Variants in MAST4 observed in about 807,000 individuals in gnomAD.
The protein encoded by MAST4 is microtubule associated serine/threonine kinase family member 4.
In MAST4, 89 loss-of-function variants were observed where a neutral mutation model predicts 162.7. The observed-to-expected ratio is 0.55, with a 90% CI of 0.46 to 0.65. The LOEUF (loss-of-function observed/expected upper bound fraction) is 0.65, where lower values mean the gene tolerates loss of function less well. Among genes scored for constraint, MAST4 ranks in the 30% least tolerant of loss-of-function variants. MAST4 has a pLI of 0.00. For missense variants in MAST4, 3,153 were observed against 3,374.0 expected (o/e 0.93, Z 1.62); for synonymous variants, 1,479 against 1,361.1 (o/e 1.09, Z -1.91).
chr5:66,644,970 A>T (rs1745730918), intron 1 of MAST4, among the ~76,000 whole-genome samples: 1 of 149,662 alleles, frequency 6.7e-6, no homozygotes, highest in South Asian at 2.2e-4. Context: ...CACTAGAAGG[A>T]TTAGAGGTGG....
intron 24 of MAST4, among the ~76,000 whole-genome samples, chr5:67,150,643 T>C (rs1771683569): frequency 6.6e-6 from 1 of 152,102 alleles, no homozygotes; most frequent in Admixed American, 6.5e-5. Flanking sequence ...CGTACTTTGG[T>C]AGAACAAGGA....
At chr5:66,864,916 C>T (rs1325157258) in intron 3 of MAST4, among the ~76,000 whole-genome samples, 1 of 152,128 alleles carries the variant, frequency 6.6e-6, no homozygotes, top group Non-Finnish European at 1.5e-5. Context: ...AGGTTGAGGA[C>T]ACTGGAAGTA....
chr5:67,100,458 G>A lies in MAST4; in HGVS notation c.936G>A (p.Lys312=), dbSNP rs1764908850. The part of the protein sequence containing the change: ...TVSSSCSSQE[K]LHQLPYQPTP... The stretch of plus-strand genomic sequence containing the variant: ...AGTCATCCTGTTCCTCCCAGGAGAA[G>A]TTGCATCAGTTACCATACCAACCAA... The change falls in exon 8 of 29, where the codon AAG becomes AAA. Residue 312 remains lysine, a synonymous_variant. Coordinates refer to ENST00000403625, the MANE Select transcript of MAST4 (RefSeq NM_001164664.2). 6.2e-7 allele frequency: 1 copy of A among 1,613,812 alleles called. No homozygotes were observed. The highest frequency in any genetic ancestry group is 8.5e-7 in the Non-Finnish European group (1 of 1,179,820).
chr5:66,661,999 A>T (rs1746941923), intron 1 of MAST4, among the ~76,000 whole-genome samples: 1 of 152,072 alleles, frequency 6.6e-6, no homozygotes, highest in African/African-American at 2.4e-5. Context: ...TATAGGTGAT[A>T]CTTCTTTAGT....
In MAST4 at chr5:66,972,542, G is replaced by A. The variant is rs149670005; in HGVS notation, c.674+72560G>A. Among the ~76,000 whole-genome samples, 51 of 152,282 alleles carry A rather than the reference G, an allele frequency of 3.3e-4. No homozygotes were observed. In the East Asian group the frequency reaches 7.1e-3, roughly 21 times the overall value. ...AAAAATCTTTGCAGTGTGCACATGT[G>A]TAGATTTGGGGGCATGTGCCATCAT... On this transcript the variant is annotated intron_variant, in intron 4 of 28. Coordinates refer to ENST00000403625, the MANE Select transcript of MAST4 (RefSeq NM_001164664.2).
intron 4 of MAST4, among the ~76,000 whole-genome samples, chr5:67,027,949 A>G (rs1754859933): frequency 6.6e-6 from 1 of 152,154 alleles, no homozygotes; most frequent in Non-Finnish European, 1.5e-5. Context: ...TCCATGTGTT[A>G]GGGATTGTGC....
At chr5:66,821,614 T>A (rs1757000371) in intron 3 of MAST4, among the ~76,000 whole-genome samples, 1 of 152,218 alleles carries the variant, frequency 6.6e-6, no homozygotes, top group African/African-American at 2.4e-5. Flanking sequence ...ATTAATTTTA[T>A]ATGGTAATAA....
intron 4 of MAST4, among the ~76,000 whole-genome samples, chr5:66,965,784 A>T (rs1273058216): frequency 2.6e-5 from 4 of 152,220 alleles, no homozygotes; most frequent in African/African-American, 4.8e-5. Flanking sequence ...TAAGGCCTTG[A>T]ATACTAAAGC....
At chr5:66,905,031 C>T (rs367814247) in intron 4 of MAST4, among the ~76,000 whole-genome samples, 10 of 152,048 alleles carry the variant, frequency 6.6e-5, no homozygotes, top group South Asian at 2.1e-4. Flanking sequence ...CAAGGCCGGG[C>T]GCAGTGGCTC....
rs145523450 is a variant in MAST4, at chr5:66,835,681, G to A, written c.642+46887G>A. On this transcript the variant is annotated intron_variant, in intron 3 of 28. Transcript: ENST00000403625. ...ATCATTTTGTTGTTAGCACTAGAGC[G>A]TAACTAAATAAGATGTTTGAATTTA... is the stretch of plus-strand genomic sequence containing the variant. Among the ~76,000 whole-genome samples, 51 of 152,246 alleles carry A rather than the reference G, an allele frequency of 3.3e-4. No individual in the cohort carries two copies. The East Asian group carries it at 6.9e-3, about 21-fold the overall frequency.
intron 1 of MAST4, among the ~76,000 whole-genome samples, chr5:66,743,581 A>G (rs1410107584): frequency 6.6e-6 from 1 of 152,182 alleles, no homozygotes; most frequent in African/African-American, 2.4e-5. Context: ...TTTCAGTGGC[A>G]GGAGTTATCA....
chr5:66,632,405 T>C (rs1474863884), intron 1 of MAST4, among the ~76,000 whole-genome samples: 2 of 152,150 alleles, frequency 1.3e-5, no homozygotes, highest in Non-Finnish European at 1.5e-5. Flanking sequence ...AAGTTATTAA[T>C]AGAAATTGAG....
At chr5:66,946,370 T>C (rs1448751722) in intron 4 of MAST4, among the ~76,000 whole-genome samples, 2 of 152,188 alleles carry the variant, frequency 1.3e-5, no homozygotes, top group East Asian at 1.9e-4. Context: ...GAACAAGATA[T>C]TGATGTTTGC....
intron 3 of MAST4, among the ~76,000 whole-genome samples, chr5:66,842,772 G>GCAAATACA (rs1302581614): frequency 6.6e-6 from 1 of 152,106 alleles, no homozygotes; most frequent in Non-Finnish European, 1.5e-5. Flanking sequence ...CTATTGAAAT[G>GCAAATACA]CAAATACAGA....
chr5:66,808,135 G>A lies in MAST4; in HGVS notation c.642+19341G>A, dbSNP rs142400183. 2.0e-4 allele frequency among the ~76,000 whole-genome samples: 31 copies of A among 152,352 alleles called. 1 individual carries two copies. The East Asian group carries it at 4.6e-3, about 23-fold the overall frequency. ...TCACAGTCTTCAGCTCGCCAAGTGG[G>A]AGACATGAATCTAATCATTCTGTCG... On this transcript the variant is annotated intron_variant, in intron 3 of 28. Coordinates refer to ENST00000403625, the MANE Select transcript of MAST4 (RefSeq NM_001164664.2).
chr5:66,980,864 G>C (rs1415016358), intron 4 of MAST4, among the ~76,000 whole-genome samples: 1 of 152,194 alleles, frequency 6.6e-6, no homozygotes, highest in Non-Finnish European at 1.5e-5. Flanking sequence ...TTCTGGGGCA[G>C]TCAAGAAGAG....
At chr5:67,012,158 AG>A (rs1752763506) in intron 4 of MAST4, among the ~76,000 whole-genome samples, 1 of 152,220 alleles carries the variant, frequency 6.6e-6, no homozygotes, top group Non-Finnish European at 1.5e-5. Flanking sequence ...CAGAAGCTCA[AG>A]TAATACCTTT....
rs116787805 is a variant in MAST4 at position 66,656,616 on chromosome 5, T to C, written c.363+59598T>C. Among the ~76,000 whole-genome samples the C allele has an allele frequency of 1.0e-3, 156 of 152,238 alleles. 1 individual carries two copies. Among genetic ancestry groups the C allele is most frequent in the African/African-American group, 3.7e-3 (153 of 41,524 alleles). ...AGATTCGATTAAAAAAACTCTGATA[T>C]CCTCTCTTGATTAGGTTCACTGGTT... On this transcript the variant is annotated intron_variant, in intron 1 of 28. Coordinates refer to ENST00000403625, the MANE Select transcript of MAST4 (RefSeq NM_001164664.2).
chr5:66,872,966 A>G (rs1327240628), intron 3 of MAST4, among the ~76,000 whole-genome samples: 2 of 152,222 alleles, frequency 1.3e-5, no homozygotes, highest in Non-Finnish European at 2.9e-5. Context: ...CTCACCATGC[A>G]GTGTGTTCTA....
Sources: allele counts gnomAD v4.1 joint callset (sites outside exome capture counted in the v4.1 genomes callset), GRCh38; gene constraint gnomAD v4.1.1; transcripts MANE v1.5; gene names NCBI Gene and HGNC (gene_info 2026-07-23, HGNC 2026-07-21).